The following TRIM16 variants were observed in gnomAD, a reference collection of about 807,000 sequenced individuals.
The protein encoded by TRIM16 is tripartite motif-containing protein 16.
A neutral mutation model predicts 50.4 loss-of-function variants in TRIM16; 33 were observed. The observed-to-expected ratio is 0.65, with a 90% CI of 0.50 to 0.88. The LOEUF is 0.88. Among genes scored for constraint, TRIM16 ranks in the 40% least tolerant of loss-of-function variants. TRIM16 has a pLI of 0.00. For missense variants in TRIM16, 581 were observed against 686.8 expected, an observed-to-expected ratio of 0.85 and a Z score of 1.72; for synonymous variants, 229 against 270.7, an observed-to-expected ratio of 0.85 and a Z score of 1.51.
chr17:15,673,210 T>C (rs548572491), intron 6 of TRIM16, among the ~76,000 whole-genome samples: 18 of 152,384 alleles, frequency 1.2e-4, no homozygotes, highest in African/African-American at 4.1e-4. Flanking sequence ...GACACTCTTA[T>C]AGACGACCCT....
chr17:15,651,623 C>T lies in TRIM16; in HGVS notation c.-14G>A, dbSNP rs772899528. 6.2e-7 allele frequency: 1 copy of T among 1,610,784 alleles called. No individual in the cohort carries two copies. Among genetic ancestry groups the T allele is most frequent in the South Asian group, 1.1e-5 (1 of 90,834 alleles). Reference sequence around the variant, plus strand: ...CAACTCAGCCATCTGGGAGGCTCTGCTCCTAGGCTGTCTTTCTTCTGTCCC... The same window carrying T: ...CAACTCAGCCATCTGGGAGGCTCTGTTCCTAGGCTGTCTTTCTTCTGTCCC... On this transcript the variant is annotated 5_prime_UTR_variant, in exon 7 of 12. Coordinates refer to ENST00000649191, the MANE Select transcript of TRIM16 (RefSeq NM_001348119.1).
rs374623351 is a variant in TRIM16, at chr17:15,683,611, G to A, written c.-898-454C>T. On this transcript the variant is annotated intron_variant, in intron 1 of 11. Transcript: ENST00000649191. ...CAACAACTGATTGATCCCTTACTTG[G>A]TGTCTGGCCCTGTGTCAACTGTTGC... 292 of 160,904 alleles carry A rather than the reference G, an allele frequency of 1.8e-3. 2 individuals carry two copies. The highest frequency in any genetic ancestry group is 0.013 in the Middle Eastern group (4 of 312). The allele number at this position is 160,904 out of a possible 1,614,324, so 10.0% of individuals were successfully genotyped here. A position where few individuals can be genotyped will look rare whatever the true frequency, so the allele number is the denominator to read the frequency against.
In TRIM16 at chr17:15,677,580, G is replaced by T; in HGVS notation, c.-448C>A. The stretch of plus-strand genomic sequence containing the variant: ...GTGGAAGGACCCAAGCTCACCCAAG[G>T]AGACCAGGTTCCTATAGTTCTCCAG... On this transcript the variant is annotated 5_prime_UTR_variant, in exon 5 of 12. Coordinates refer to ENST00000649191, the MANE Select transcript of TRIM16 (RefSeq NM_001348119.1). The T allele has an allele frequency of 9.5e-7, 1 of 1,052,422 alleles. No homozygotes were observed. The highest frequency in any genetic ancestry group is 1.2e-6 in the Non-Finnish European group (1 of 862,854). The allele number at this position is 1,052,422 out of a possible 1,614,324, so 65.2% of individuals were successfully genotyped here. A position where few individuals can be genotyped will look rare whatever the true frequency, so the allele number is the denominator to read the frequency against.
intron 8 of TRIM16, among the ~76,000 whole-genome samples, chr17:15,638,952 AGGG>A (rs1986985126): frequency 6.8e-6 from 1 of 148,036 alleles, no homozygotes; most frequent in Non-Finnish European, 1.5e-5. Context: ...CTGGTGGCAA[AGGG>A]AAGAATAAGC....
chr17:15,679,373 A>C (rs1020959801), intron 4 of TRIM16, among the ~76,000 whole-genome samples: 1 of 152,196 alleles, frequency 6.6e-6, no homozygotes, highest in African/African-American at 2.4e-5. Context: ...TTTCAAGCCA[A>C]AACAAAAGAG....
At position 15,636,123 on chromosome 17, in the gene TRIM16, G is replaced by A. The variant is rs773824549; in HGVS notation, c.762C>T (p.His254=). The change falls in exon 9 of 12, where the codon CAC becomes CAT. Residue 254 remains histidine, a synonymous_variant. Transcript: ENST00000649191. ...ALSQANGIKA[H]LEYRSAEMEK... is the part of the protein sequence containing the mutation. ...CCATCTCGGCACTCCTGTACTCCAG[G>A]TGGGCCTTGATACCGTTGGCCTGGC... 3.3e-5 allele frequency: 53 copies of A among 1,609,852 alleles called. 4 individuals are homozygous for A. The African/African-American group carries it at 6.2e-4, about 19-fold the overall frequency.
chr17:15,680,135 C>G (rs1989125179), intron 4 of TRIM16, among the ~76,000 whole-genome samples: 1 of 152,124 alleles, frequency 6.6e-6, no homozygotes, highest in Non-Finnish European at 1.5e-5. Flanking sequence ...TTCTATAAAT[C>G]TTTCAAGAAT....
At chr17:15,661,910 G>A (rs1009734629) in intron 6 of TRIM16, among the ~76,000 whole-genome samples, 1 of 152,064 alleles carries the variant, frequency 6.6e-6, no homozygotes, top group African/African-American at 2.4e-5. Flanking sequence ...GGCCCCTGCT[G>A]GGGTGCCCCA....
chr17:15,672,698 A>G (rs9898351), intron 6 of TRIM16, among the ~76,000 whole-genome samples: 10,914 of 152,136 alleles, frequency 0.072, 787 homozygotes, highest in African/African-American at 0.18. Context: ...GCGTCACTGC[A>G]CTCCAGCCCA....
At chr17:15,659,128 C>G (rs77830946) in intron 6 of TRIM16, among the ~76,000 whole-genome samples, 3,783 of 152,272 alleles carry the variant, frequency 0.025, 120 homozygotes, top group African/African-American at 0.072. Context: ...CAGCTCAGTA[C>G]CTGGCACACA....
At chr17:15,665,295 G>A (rs943091814) in intron 6 of TRIM16, among the ~76,000 whole-genome samples, 4 of 152,048 alleles carry the variant, frequency 2.6e-5, no homozygotes, top group East Asian at 1.9e-4. Context: ...GGCAGATCAC[G>A]AGGTCAGATC....
chr17:15,681,257 G>A (rs371788667), intron 3 of TRIM16: 1 of 208,704 alleles, frequency 4.8e-6, no homozygotes, highest in African/African-American at 2.3e-5. Context: ...GTTACAGTTG[G>A]AGAGGTGCTT....
At chr17:15,636,596 T>C (rs1320359237) in intron 8 of TRIM16, among the ~76,000 whole-genome samples, 2 of 148,686 alleles carry the variant, frequency 1.3e-5, no homozygotes, top group Non-Finnish European at 3.0e-5. Flanking sequence ...TTCAGTCTAC[T>C]TGATAGTCAT....
At chr17:15,682,584 C>T (rs1989225736) in intron 3 of TRIM16, among the ~76,000 whole-genome samples, 1 of 152,178 alleles carries the variant, frequency 6.6e-6, no homozygotes, top group Non-Finnish European at 1.5e-5. Flanking sequence ...GGCCATGGAC[C>T]CTGGGGACGC....
rs1462657134 is a variant in TRIM16 at position 15,628,205 on chromosome 17, T to G, written c.*410A>C. 1 of 160,052 alleles carries G rather than the reference T, an allele frequency of 6.2e-6. No individual in the cohort carries two copies. The highest frequency in any genetic ancestry group is 2.4e-5 in the African/African-American group (1 of 41,562). The allele number at this position is 160,052 out of a possible 1,614,324, so 9.9% of individuals were successfully genotyped here. A position where few individuals can be genotyped will look rare whatever the true frequency, so the allele number is the denominator to read the frequency against. On this transcript the variant is annotated 3_prime_UTR_variant, in exon 12 of 12. Transcript: ENST00000649191. Reference sequence around the variant, plus strand: ...TGGGTGCATCACGAGGTCAGGAGTTTGAGATCTGCCTGGCCAACATGGTGA... The same window carrying G: ...TGGGTGCATCACGAGGTCAGGAGTTGGAGATCTGCCTGGCCAACATGGTGA...
intron 11 of TRIM16, among the ~76,000 whole-genome samples, chr17:15,630,740 A>T (rs1986372719): frequency 6.6e-6 from 1 of 150,472 alleles, no homozygotes; most frequent in African/African-American, 2.5e-5. Flanking sequence ...GGACTGCTTG[A>T]GTGTGGGAGG....
chr17:15,682,238 T>C (rs1012345984), intron 3 of TRIM16, among the ~76,000 whole-genome samples: 2 of 152,204 alleles, frequency 1.3e-5, no homozygotes, highest in African/African-American at 4.8e-5. Flanking sequence ...CTTTCTATAC[T>C]TTGTTTTACG....
In TRIM16 at chr17:15,628,237, A is replaced by G; in HGVS notation, c.*378T>C. Reference sequence around the variant, plus strand: ...TGCCTGGCCAACATGGTGAAACCCCATCTCTACTAAAAATACAAAACATTA... The same window carrying G: ...TGCCTGGCCAACATGGTGAAACCCCGTCTCTACTAAAAATACAAAACATTA... On this transcript the variant is annotated 3_prime_UTR_variant, in exon 12 of 12. Coordinates refer to ENST00000649191, the MANE Select transcript of TRIM16 (RefSeq NM_001348119.1). 5.9e-6 allele frequency: 1 copy of G among 168,946 alleles called. No homozygotes were observed. Among genetic ancestry groups the G allele is most frequent in the Non-Finnish European group, 1.3e-5 (1 of 79,010 alleles). The allele number at this position is 168,946 out of a possible 1,614,324, so 10.5% of individuals were successfully genotyped here.
chr17:15,666,478 C>T (rs537099511), intron 6 of TRIM16, among the ~76,000 whole-genome samples: 65 of 152,280 alleles, frequency 4.3e-4, no homozygotes, highest in African/African-American at 1.5e-3. Flanking sequence ...TGAGTTTTGA[C>T]AAATAACTCC....
Sources: allele counts gnomAD v4.1 joint callset (sites outside exome capture counted in the v4.1 genomes callset), GRCh38; gene constraint gnomAD v4.1.1; transcripts MANE v1.5; gene names NCBI Gene and HGNC (gene_info 2026-07-23, HGNC 2026-07-21).